EML6: variants seen among roughly 807,000 people sequenced by gnomAD.
EML6 encodes the protein EMAP like 6.
A neutral mutation model predicts 240.1 loss-of-function variants in EML6; 154 were observed. The ratio of observed to expected loss-of-function variants is 0.64; its 90% CI spans 0.56 to 0.73. The LOEUF (loss-of-function observed/expected upper bound fraction) is 0.73. EML6 is among the 30% of genes least tolerant of loss of function. The probability of loss-of-function intolerance (pLI) is 0.00; values close to 1 mark genes in which losing one functional copy is unlikely to be tolerated. For synonymous variants in EML6, 1,148 were observed against 899.0 expected (o/e 1.28, Z -4.95); for missense variants, 2,964 against 2,474.6 (o/e 1.20, Z -4.20).
intron 26 of EML6, among the ~76,000 whole-genome samples, chr2:54,922,933 CTTTTTTT>C (rs36078208): frequency 6.8e-5 from 5 of 73,850 alleles, no homozygotes; most frequent in African/African-American, 1.2e-4. Flanking sequence ...AGGGTATAAA[CTTTTTTT>C]TTTTTTTTTT....
chr2:54,791,683 G>T (rs912639319), intron 2 of EML6, among the ~76,000 whole-genome samples: 1 of 152,080 alleles, frequency 6.6e-6, no homozygotes, highest in Non-Finnish European at 1.5e-5. Context: ...TGTGATGTTA[G>T]CCTGCAGGCT....
At chr2:54,960,546 G>T (rs998882030) in intron 35 of EML6, among the ~76,000 whole-genome samples, 1 of 152,156 alleles carries the variant, frequency 6.6e-6, no homozygotes, top group African/African-American at 2.4e-5. Flanking sequence ...TAATGTTTTT[G>T]TGTCCAGCAC....
chr2:54,767,793 T>C (rs935763224), intron 2 of EML6, among the ~76,000 whole-genome samples: 2 of 152,126 alleles, frequency 1.3e-5, no homozygotes, highest in Admixed American at 1.3e-4. Context: ...CTAATTTTTG[T>C]ATTTTTTTGT....
intron 2 of EML6, among the ~76,000 whole-genome samples, chr2:54,785,065 C>A (rs6713115): frequency 0.12 from 18,382 of 151,902 alleles, 2,297 homozygotes; most frequent in East Asian, 0.3. Context: ...ACTAGTGGCA[C>A]TTCACAGGGG....
intron 26 of EML6, among the ~76,000 whole-genome samples, chr2:54,927,510 C>A (rs1043897797): frequency 6.6e-6 from 1 of 152,202 alleles, no homozygotes; most frequent in Non-Finnish European, 1.5e-5. Context: ...AACTCCATGT[C>A]TTTAAATGGC....
chr2:54,846,655 A>G (rs1366730564), intron 8 of EML6, among the ~76,000 whole-genome samples: 1 of 151,658 alleles, frequency 6.6e-6, no homozygotes, highest in Non-Finnish European at 1.5e-5. Context: ...AGCTATTTTT[A>G]AAATCTTTTT....
chr2:54,801,723 G>T (rs1398580329), intron 2 of EML6, among the ~76,000 whole-genome samples: 1 of 152,138 alleles, frequency 6.6e-6, no homozygotes. Context: ...ACAAACTATT[G>T]TAAGAACCTA....
intron 10 of EML6, chr2:54,850,453 A>G (rs1157295280): frequency 4.3e-6 from 2 of 462,094 alleles, no homozygotes; most frequent in African/African-American, 1.9e-5. Context: ...TTGCTGCACA[A>G]CAAGGGAGAT....
intron 2 of EML6, among the ~76,000 whole-genome samples, chr2:54,751,559 T>A (rs547748743): frequency 1.3e-5 from 2 of 152,152 alleles, no homozygotes; most frequent in Non-Finnish European, 2.9e-5. Context: ...GGACAAATGC[T>A]CCGCAGCACA....
At chr2:54,871,084 T>G (rs530860354) in intron 15 of EML6, among the ~76,000 whole-genome samples, 1 of 152,116 alleles carries the variant, frequency 6.6e-6, no homozygotes, top group Admixed American at 6.5e-5. Context: ...CTTCTTCTGG[T>G]GGGTAGCGTA....
At chr2:54,826,759 A>G (rs549067961) in intron 5 of EML6, among the ~76,000 whole-genome samples, 45 of 152,350 alleles carry the variant, frequency 3.0e-4, no homozygotes, top group African/African-American at 9.4e-4. Flanking sequence ...AGCCGAGTCA[A>G]TTATTTGGGT....
At chr2:54,894,833 C>T (rs1363936075) in intron 19 of EML6, 82 bp from the exon 20 acceptor site, 7 of 834,928 alleles carry the variant, frequency 8.4e-6, no homozygotes, top group Non-Finnish European at 1.2e-5. Flanking sequence ...AGCTTCCTTA[C>T]CTGCGGGGAA....
chr2:54,911,000 T>C lies in EML6; in HGVS notation c.3456T>C (p.Phe1152=). 6.5e-7 allele frequency: 1 copy of C among 1,542,050 alleles called. No homozygotes were observed. Among genetic ancestry groups the C allele is most frequent in the East Asian group, 2.4e-5 (1 of 40,822 alleles). ...VNSGAREQLF[F]EAPRGKRHII... is the part of the protein sequence containing the mutation. ...CAGGTGCCAGAGAACAACTTTTTTT[T>C]GAAGCTCCAAGAGGCAAACGGCATA... Residue 1152 remains phenylalanine (F), a synonymous_variant, in exon 25 of 42, where the codon TTT becomes TTC. Transcript: ENST00000356458.
At chr2:54,963,808 A>T (rs981651836) in intron 36 of EML6, among the ~76,000 whole-genome samples, 178 bp from the exon 37 acceptor site, 1 of 152,240 alleles carries the variant, frequency 6.6e-6, no homozygotes, top group Non-Finnish European at 1.5e-5. Flanking sequence ...AAGCTGCTCT[A>T]ATCAAGACAT....
chr2:54,813,250 CAA>C lies in EML6; in HGVS notation c.219_220del (p.Lys73AsnfsTer21). The C allele has an allele frequency of 6.5e-7, 1 of 1,550,330 alleles. No individual in the cohort carries two copies. The highest frequency in any genetic ancestry group is 8.7e-7 in the Non-Finnish European group (1 of 1,146,328). ...DIISLALHPD[K>X]TLVATGQVGK... Reference sequence around the variant, plus strand: ...CTTTCAGCCTTGCCTTACACCCAGACAAAACTCTCGTTGCAACTGGCCAAGTC... The same window carrying C: ...CTTTCAGCCTTGCCTTACACCCAGACAACTCTCGTTGCAACTGGCCAAGTC... On this transcript the variant is annotated frameshift_variant, in exon 3 of 42. Transcript: ENST00000356458. LOFTEE classifies it high-confidence loss of function.
At chr2:54,768,178 T>A (rs1296197585) in intron 2 of EML6, among the ~76,000 whole-genome samples, 1 of 152,218 alleles carries the variant, frequency 6.6e-6, no homozygotes, top group Non-Finnish European at 1.5e-5. Context: ...TTTTTTTTTT[T>A]GATGATTCAT....
At chr2:54,849,866 C>T in intron 9 of EML6, 96 bp from the exon 10 acceptor site, 1 of 999,008 alleles carries the variant, frequency 1.0e-6, no homozygotes, top group Non-Finnish European at 1.5e-6. Context: ...GTTTGGTTCT[C>T]TTTCAACACA....
chr2:54,828,388 T>G (rs1668701665), intron 6 of EML6, among the ~76,000 whole-genome samples: 1 of 152,230 alleles, frequency 6.6e-6, no homozygotes, highest in Admixed American at 6.5e-5. Context: ...CATTGTTGTA[T>G]CTACAAATGA....
intron 2 of EML6, among the ~76,000 whole-genome samples, chr2:54,790,986 A>G (rs1016586731): frequency 6.6e-6 from 1 of 152,074 alleles, no homozygotes; most frequent in African/African-American, 2.4e-5. Context: ...CGGCCTCCCA[A>G]AGTGCTGGAA....
Sources: allele counts gnomAD v4.1 joint callset (sites outside exome capture counted in the v4.1 genomes callset), GRCh38; gene constraint gnomAD v4.1.1; transcripts MANE v1.5; gene names NCBI Gene and HGNC (gene_info 2026-07-23, HGNC 2026-07-21).